The following RIMS2 variants were observed in gnomAD, a reference collection of about 807,000 sequenced individuals.
RIMS2 encodes regulating synaptic membrane exocytosis 2, also known as regulating synaptic membrane exocytosis protein 2.
In RIMS2, 59 loss-of-function variants were observed where a neutral mutation model predicts 174.4. That is an observed-to-expected ratio of 0.34 (90% CI 0.27 to 0.42). RIMS2 has a LOEUF of 0.42. Ranked by LOEUF, RIMS2 falls within the 10% of genes least tolerant of loss-of-function variation. RIMS2 has a pLI of 1.00. For synonymous variants in RIMS2, 606 were observed against 572.5 expected (o/e 1.06, Z -0.84); for missense variants, 1,620 against 1,666.3 (o/e 0.97, Z 0.48).
chr8:104,017,066 A>C (rs910707468), intron 19 of RIMS2, among the ~76,000 whole-genome samples: 3 of 152,004 alleles, frequency 2.0e-5, no homozygotes, highest in Non-Finnish European at 2.9e-5. Context: ...TTTATATAAA[A>C]GTATGGATGA....
chr8:103,893,484 T>C (rs2099259160), intron 4 of RIMS2, among the ~76,000 whole-genome samples: 1 of 152,108 alleles, frequency 6.6e-6, no homozygotes, highest in South Asian at 2.1e-4. Context: ...ATCCATTTAT[T>C]AGGAAGTGTC....
chr8:103,766,656 A>G lies in RIMS2; in HGVS notation c.698+119A>G, dbSNP rs1235677451. On this transcript the variant is annotated intron_variant, in intron 3 of 23. Coordinates refer to ENST00000504942, the Ensembl canonical transcript of RIMS2. ...AGTTGTCTAAGTAATGTAAACATTC[A>G]TATGTTTTACATAAATACTATATGT... The G allele has an allele frequency of 1.3e-5, 9 of 683,974 alleles. No individual in the cohort carries two copies. The Admixed American group carries it at 2.0e-4, about 15-fold the overall frequency. The allele number at this position is 683,974 out of a possible 1,614,324, so 42.4% of individuals were successfully genotyped here.
At chr8:104,079,262 G>A (rs2097360199) in intron 19 of RIMS2, among the ~76,000 whole-genome samples, 1 of 152,046 alleles carries the variant, frequency 6.6e-6, no homozygotes. Flanking sequence ...AGGTAAGAGG[G>A]TCAATCTGTG....
chr8:103,519,551 T>G (rs759482080), intron 1 of RIMS2, among the ~76,000 whole-genome samples: 1 of 152,124 alleles, frequency 6.6e-6, no homozygotes, highest in African/African-American at 2.4e-5. Flanking sequence ...ATTTCTCTGA[T>G]TCATGGTTAA....
chr8:104,015,880 T>G (rs1042573874), intron 19 of RIMS2, among the ~76,000 whole-genome samples: 2 of 152,100 alleles, frequency 1.3e-5, no homozygotes, highest in Non-Finnish European at 2.9e-5. Context: ...TTTTTAATTA[T>G]TAAATTTGGC....
chr8:104,141,838 A>G (rs563804271), intron 19 of RIMS2, among the ~76,000 whole-genome samples: 1 of 152,268 alleles, frequency 6.6e-6, no homozygotes, highest in South Asian at 2.1e-4. Context: ...CTCTTCAGAG[A>G]GGCCTTCCTT....
intron 3 of RIMS2, among the ~76,000 whole-genome samples, chr8:103,774,939 G>A (rs1437886456): frequency 6.6e-6 from 1 of 152,102 alleles, no homozygotes; most frequent in Non-Finnish European, 1.5e-5. Context: ...CATAATTGCT[G>A]CATTTCAAAA....
At chr8:103,986,734 G>T (rs1021427401) in intron 16 of RIMS2, among the ~76,000 whole-genome samples, 3 of 151,870 alleles carry the variant, frequency 2.0e-5, no homozygotes, top group African/African-American at 4.8e-5. Context: ...TTAACCAGGC[G>T]TGGTGAAAGG....
intron 19 of RIMS2, among the ~76,000 whole-genome samples, chr8:104,065,049 A>T (rs1041757881): frequency 2.5e-4 from 38 of 152,038 alleles, no homozygotes; most frequent in African/African-American, 7.5e-4. Context: ...GTCATTTTTC[A>T]AACTTTTTAT....
chr8:104,029,193 G>A (rs895067664), intron 19 of RIMS2, among the ~76,000 whole-genome samples: 4 of 152,112 alleles, frequency 2.6e-5, no homozygotes, highest in Non-Finnish European at 2.9e-5. Flanking sequence ...AGTCACTCTC[G>A]TTGCCATCTT....
chr8:103,992,427 A>G (rs1309952373), intron 17 of RIMS2, among the ~76,000 whole-genome samples: 1 of 151,758 alleles, frequency 6.6e-6, no homozygotes, highest in Non-Finnish European at 1.5e-5. Context: ...CGCCTGGCCC[A>G]TGTAGTTTTT....
chr8:104,106,218 G>A (rs1189126709), intron 19 of RIMS2, among the ~76,000 whole-genome samples: 2 of 151,858 alleles, frequency 1.3e-5, no homozygotes, highest in Non-Finnish European at 2.9e-5. Context: ...ATAGGCATGA[G>A]CCCCCCAGCC....
intron 19 of RIMS2, among the ~76,000 whole-genome samples, chr8:104,211,275 C>T (rs2099104256): frequency 6.6e-6 from 1 of 152,006 alleles, no homozygotes; most frequent in Non-Finnish European, 1.5e-5. Flanking sequence ...AAGAATAGGA[C>T]ACCACATGAA....
intron 1 of RIMS2, among the ~76,000 whole-genome samples, chr8:103,632,916 G>A (rs1156569776): frequency 4.7e-5 from 7 of 148,546 alleles, no homozygotes; most frequent in Non-Finnish European, 7.4e-5. Context: ...TGTATTTTTA[G>A]TAGAGATGGG....
chr8:103,943,336 A>G (rs544512678), intron 14 of RIMS2, among the ~76,000 whole-genome samples: 2 of 152,326 alleles, frequency 1.3e-5, no homozygotes, highest in African/African-American at 2.4e-5. Flanking sequence ...TATACCAAGT[A>G]TACTATAGTG....
chr8:104,123,916 G>GTTT (rs1454103268), intron 19 of RIMS2, among the ~76,000 whole-genome samples: 2 of 151,998 alleles, frequency 1.3e-5, no homozygotes, highest in Non-Finnish European at 2.9e-5. Flanking sequence ...ATTCTAAAGT[G>GTTT]GATTTTCTTA....
At chr8:103,973,026 A>C (rs948317301) in intron 15 of RIMS2, among the ~76,000 whole-genome samples, 2 of 152,214 alleles carry the variant, frequency 1.3e-5, no homozygotes, top group African/African-American at 4.8e-5. Flanking sequence ...ACATTCCATC[A>C]TTTTAGAGTT....
rs1188517193 is a variant in RIMS2, at chr8:103,839,783, A to G, written c.699-45515A>G. Among the ~76,000 whole-genome samples the G allele has an allele frequency of 2.6e-5, 4 of 152,314 alleles. No homozygotes were observed. The South Asian group carries it at 8.3e-4, about 32-fold the overall frequency. On this transcript the variant is annotated intron_variant, in intron 3 of 23. Transcript: ENST00000504942. ...CCTAGTACTTTGCATCAAAAATTCT[A>G]GCTGCCAAGACCATACTTTCAGGGA...
At chr8:103,651,439 T>C (rs1259331105) in intron 1 of RIMS2, among the ~76,000 whole-genome samples, 1 of 146,156 alleles carries the variant, frequency 6.8e-6, no homozygotes, top group Non-Finnish European at 1.5e-5. Context: ...AGTTTCTGAC[T>C]GTGAATTTTA....
Sources: gnomAD v4.1 joint callset for allele counts (sites outside exome capture counted in the v4.1 genomes callset) on GRCh38, gnomAD v4.1.1 for gene constraint, MANE v1.5 for transcripts, NCBI Gene and HGNC (gene_info 2026-07-23, HGNC 2026-07-21) for gene names.